RORA: variants seen among roughly 807,000 people sequenced by gnomAD.
RORA encodes RAR related orphan receptor A, also known as nuclear receptor ROR-alpha.
In RORA, 7 loss-of-function variants were observed where a neutral mutation model predicts 69.5. That is an observed-to-expected ratio of 0.10 (90% CI 0.06 to 0.19). The LOEUF (loss-of-function observed/expected upper bound fraction) is 0.19, where lower values mean the gene tolerates loss of function less well. RORA is among the 10% of genes least tolerant of loss of function. The pLI is 1.00. For synonymous variants in RORA, 261 were observed against 240.8 expected (o/e 1.08, Z -0.78); for missense variants, 457 against 663.0 (o/e 0.69, Z 3.41).
intron 1 of RORA, among the ~76,000 whole-genome samples, chr15:60,925,586 G>A (rs920563454): frequency 2.0e-5 from 3 of 152,222 alleles, no homozygotes; most frequent in African/African-American, 7.2e-5. Context: ...CTGTCATGGA[G>A]CTTTGGCCCA....
intron 2 of RORA, among the ~76,000 whole-genome samples, chr15:60,597,597 C>CATATATATATATATATATACATATAT (rs2068717179): frequency 2.9e-4 from 9 of 31,360 alleles, no homozygotes; most frequent in South Asian, 1.3e-3. Flanking sequence ...TATATATACA[C>CATATATATATATATATATACATATAT]ATATATATAT....
chr15:60,898,500 AAAAT>A (rs59713870), intron 1 of RORA, among the ~76,000 whole-genome samples: 37,309 of 137,722 alleles, frequency 0.27, 5,196 homozygotes, highest in African/African-American at 0.35. Context: ...ATTGTCTCTA[AAAAT>A]AAATAAATAA....
At chr15:60,733,371 G>T (rs753906911) in intron 1 of RORA, among the ~76,000 whole-genome samples, 1 of 152,218 alleles carries the variant, frequency 6.6e-6, no homozygotes, top group East Asian at 1.9e-4. Context: ...ACCAGTCTGT[G>T]TGGGTAAATC....
At chr15:60,986,386 AC>A (rs1485323336) in intron 1 of RORA, among the ~76,000 whole-genome samples, 1 of 152,166 alleles carries the variant, frequency 6.6e-6, no homozygotes, top group Non-Finnish European at 1.5e-5. Context: ...TTCTAATCCA[AC>A]ATCCTTACTT....
At chr15:60,497,672 A>G in intron 10 of RORA, 53 bp from the exon 11 acceptor site, 1 of 1,413,222 alleles carries the variant, frequency 7.1e-7, no homozygotes, top group Non-Finnish European at 1.0e-6. Context: ...ATAAGCATCA[A>G]AGATCAGGGA....
At chr15:61,133,746 G>C (rs2079212734) in intron 1 of RORA, among the ~76,000 whole-genome samples, 1 of 152,208 alleles carries the variant, frequency 6.6e-6, no homozygotes, top group Non-Finnish European at 1.5e-5. Flanking sequence ...ACTGGGTGCT[G>C]TGGCATTATA....
intron 1 of RORA, among the ~76,000 whole-genome samples, chr15:61,082,273 G>A (rs933634600): frequency 3.3e-4 from 51 of 152,348 alleles, no homozygotes; most frequent in Non-Finnish European, 2.9e-4. Flanking sequence ...CGAATCACCT[G>A]AGGTCAGGAG....
chr15:60,660,396 TACACC>T (rs1480617639), intron 2 of RORA, among the ~76,000 whole-genome samples: 1 of 152,202 alleles, frequency 6.6e-6, no homozygotes, highest in African/African-American at 2.4e-5. Flanking sequence ...TGCTAAATCT[TACACC>T]ATTCCTAGGA....
At chr15:60,513,691 GCA>G (rs34433286) in intron 4 of RORA, among the ~76,000 whole-genome samples, 11,187 of 152,284 alleles carry the variant, frequency 0.073, 478 homozygotes, top group Middle Eastern at 0.12. Flanking sequence ...TTGTAGTGGT[GCA>G]CAGAGTGCCT....
intron 1 of RORA, among the ~76,000 whole-genome samples, chr15:60,872,683 A>G (rs1283111457): frequency 1.3e-5 from 2 of 152,166 alleles, no homozygotes; most frequent in African/African-American, 4.8e-5. Context: ...TTGATTTGTC[A>G]TTCCAATTAA....
intron 1 of RORA, among the ~76,000 whole-genome samples, chr15:60,958,894 T>C (rs914300383): frequency 3.3e-5 from 5 of 152,124 alleles, no homozygotes; most frequent in Non-Finnish European, 7.3e-5. Context: ...CATTCTTAGG[T>C]GGCTGGCAAG....
intron 1 of RORA, among the ~76,000 whole-genome samples, chr15:60,835,307 GA>G (rs1048086892): frequency 1.4e-4 from 21 of 152,294 alleles, no homozygotes; most frequent in Admixed American, 3.9e-4. Flanking sequence ...AATAAAAATG[GA>G]AAGTATAGCC....
intron 1 of RORA, among the ~76,000 whole-genome samples, chr15:61,054,612 C>T (rs919481939): frequency 6.6e-6 from 1 of 152,128 alleles, no homozygotes; most frequent in Non-Finnish European, 1.5e-5. Flanking sequence ...AGGATTTTTA[C>T]ATTTATTTCC....
intron 1 of RORA, among the ~76,000 whole-genome samples, chr15:61,175,307 C>T (rs2079618080): frequency 1.3e-5 from 2 of 152,092 alleles, no homozygotes; most frequent in South Asian, 4.2e-4. Flanking sequence ...CAGCCCAGTC[C>T]TCAATGAGCA....
At chr15:61,083,244 T>A (rs984874424) in intron 1 of RORA, among the ~76,000 whole-genome samples, 3 of 152,150 alleles carry the variant, frequency 2.0e-5, no homozygotes, top group Non-Finnish European at 4.4e-5. Context: ...CCTGAAAGCA[T>A]CCAAATGGGT....
intron 2 of RORA, among the ~76,000 whole-genome samples, chr15:60,564,819 T>C (rs758948715): frequency 1.3e-5 from 2 of 152,176 alleles, no homozygotes; most frequent in Non-Finnish European, 2.9e-5. Flanking sequence ...CATAAAAGTA[T>C]TGATATTTAA....
chr15:60,819,759 A>ACACACACACACACACACACACACACG (rs1567202039), intron 1 of RORA, among the ~76,000 whole-genome samples: 20 of 132,892 alleles, frequency 1.5e-4, no homozygotes, highest in African/African-American at 5.0e-4. Flanking sequence ...ACACACACAC[A>ACACACACACACACACACACACACACG]CACACACACA....
intron 1 of RORA, among the ~76,000 whole-genome samples, chr15:61,078,618 G>C (rs145290433): frequency 2.5e-3 from 381 of 152,268 alleles, no homozygotes; most frequent in African/African-American, 8.7e-3. Context: ...TAAGGAGATT[G>C]CAAAAGTCAT....
At chr15:61,187,999 T>C (rs1187827552) in intron 1 of RORA, among the ~76,000 whole-genome samples, 2 of 152,156 alleles carry the variant, frequency 1.3e-5, no homozygotes, top group Non-Finnish European at 1.5e-5. Context: ...CCAGGCCTTC[T>C]TCCTCTGCCC....
Sources: allele counts gnomAD v4.1 joint callset (sites outside exome capture counted in the v4.1 genomes callset), GRCh38; gene constraint gnomAD v4.1.1; transcripts MANE v1.5; gene names NCBI Gene and HGNC (gene_info 2026-07-23, HGNC 2026-07-21).